The following BDP1 variants were observed in gnomAD, a reference collection of about 807,000 sequenced individuals.
BDP1 encodes the protein transcription factor TFIIIB component B'' homolog.
A neutral mutation model predicts 266.6 loss-of-function variants in BDP1; 169 were observed. That is an observed-to-expected ratio of 0.63 (90% CI 0.56 to 0.72). The LOEUF (loss-of-function observed/expected upper bound fraction) is 0.72, where lower values mean the gene tolerates loss of function less well. BDP1 is among the 30% of genes least tolerant of loss of function. BDP1 has a pLI of 0.00. For missense variants in BDP1, 3,015 were observed against 3,053.8 expected (o/e 0.99, Z 0.30); for synonymous variants, 1,090 against 1,022.4 (o/e 1.07, Z -1.26).
At chr5:71,482,007 T>C (rs1305298524) in intron 7 of BDP1, among the ~76,000 whole-genome samples, 1 of 152,188 alleles carries the variant, frequency 6.6e-6, no homozygotes, top group African/African-American at 2.4e-5. Context: ...GGTGAATGTA[T>C]TTGGGTATTA....
At chr5:71,532,236 A>C (rs950912586) in intron 25 of BDP1, 72 bp from the exon 26 acceptor site, 5 of 1,331,442 alleles carry the variant, frequency 3.8e-6, no homozygotes, top group Middle Eastern at 2.1e-4. Context: ...TTACTTATTC[A>C]TGTTGAAGAT....
intron 7 of BDP1, among the ~76,000 whole-genome samples, chr5:71,481,454 G>A (rs1762965269): frequency 6.7e-6 from 1 of 150,284 alleles, no homozygotes; most frequent in Admixed American, 6.6e-5. Context: ...CAATTCAGGA[G>A]GCTGAGGCAG....
In BDP1 at chr5:71,543,524, G is replaced by A. The variant is rs865928677; in HGVS notation, c.6413-833G>A. On this transcript the variant is annotated intron_variant, in intron 30 of 38. Coordinates refer to ENST00000358731, the MANE Select transcript of BDP1 (RefSeq NM_018429.3). The stretch of plus-strand genomic sequence containing the variant: ...TTGAGCTCGCCAGATCAAGGCTGTC[G>A]TAAATTGTGATATTGCCACTGCACT... 8.5e-5 allele frequency among the ~76,000 whole-genome samples: 13 copies of A among 152,286 alleles called. No individual in the cohort carries two copies. The Middle Eastern group carries it at 0.014, about 159-fold the overall frequency.
Position 71,497,346 on chromosome 5 carries a change from G to A in BDP1, c.1876G>A (p.Ala626Thr). The part of the protein sequence containing the change: ...FQRPKPNLSR[A>T]GKKSVLSQGK... Reference sequence around the variant, plus strand: ...AAGACCTAAACCCAATTTGTCAAGGGCTGGGAAGAAATCAGTTCTTTCACA... The same window carrying A: ...AAGACCTAAACCCAATTTGTCAAGGACTGGGAAGAAATCAGTTCTTTCACA... Residue 626 changes from alanine to threonine, a missense_variant, in exon 13 of 39, where the codon GCT (alanine) becomes ACT (threonine). Physicochemically the swap from Ala to Thr is moderately conservative, Grantham distance 58 (BLOSUM62 0). Transcript: ENST00000358731. 3.1e-6 allele frequency: 5 copies of A among 1,613,802 alleles called. No homozygotes were observed. Among genetic ancestry groups the A allele is most frequent in the South Asian group, 1.1e-5 (1 of 91,078 alleles).
intron 26 of BDP1, among the ~76,000 whole-genome samples, chr5:71,536,785 G>A (rs1052887296): frequency 3.3e-5 from 5 of 152,134 alleles, no homozygotes; most frequent in East Asian, 1.9e-4. Context: ...AGCTGTCATC[G>A]CCGTCACTGC....
intron 8 of BDP1, among the ~76,000 whole-genome samples, chr5:71,484,763 A>T (rs1235744020): frequency 7.2e-5 from 11 of 152,102 alleles, no homozygotes; most frequent in African/African-American, 2.7e-4. Flanking sequence ...GTGGATTTAC[A>T]ATTATCAGTA....
chr5:71,564,677 G>C, intron 38 of BDP1, 77 bp from the exon 39 acceptor site: 1 of 1,266,568 alleles, frequency 7.9e-7, no homozygotes, highest in Non-Finnish European at 1.1e-6. Context: ...GGTTTAGACT[G>C]CTATATATAC....
chr5:71,524,124 C>T lies in BDP1; in HGVS notation c.5573C>T (p.Pro1858Leu). 2 of 1,614,142 alleles carry T rather than the reference C, an allele frequency of 1.2e-6. No individual in the cohort carries two copies. Among genetic ancestry groups the T allele is most frequent in the Non-Finnish European group, 8.5e-7 (1 of 1,180,030 alleles). The stretch of plus-strand genomic sequence containing the variant: ...CGGGGTAAGACCTCTAAGAAGGAAC[C>T]TAGAGCTTCCAAGGCCATGCTGGTG... The part of the protein sequence containing the change: ...RVRGKTSKKE[P>L]RASKAMLVTL... Residue 1858 changes from proline (P) to leucine (L), a missense_variant, in exon 25 of 39, where the codon CCT becomes CTT. By Grantham distance (98) the Pro-to-Leu change is moderately conservative (BLOSUM62 -3). Coordinates refer to ENST00000358731, the MANE Select transcript of BDP1 (RefSeq NM_018429.3).
chr5:71,504,355 A>T (rs1026914738), intron 15 of BDP1, among the ~76,000 whole-genome samples: 1 of 152,072 alleles, frequency 6.6e-6, no homozygotes, highest in Admixed American at 6.5e-5. Context: ...GATAGACCCC[A>T]CAGGGGTATT....
Position 71,555,568 on chromosome 5 carries a change from T to G in BDP1, c.7201-1318T>G, listed in dbSNP as rs1235523394. 4.1e-4 allele frequency among the ~76,000 whole-genome samples: 62 copies of G among 151,924 alleles called. 1 individual carries two copies. The highest frequency in any genetic ancestry group is 8.8e-5 in the Non-Finnish European group (6 of 67,996). On this transcript the variant is annotated intron_variant, in intron 35 of 38. Coordinates refer to ENST00000358731, the MANE Select transcript of BDP1 (RefSeq NM_018429.3). ...GATTCTCCTGCCTCAGCCTCCCGAG[T>G]AGCTGGGATTACAGGCAGCCGCCAC...
intron 21 of BDP1, among the ~76,000 whole-genome samples, chr5:71,516,711 G>A (rs1463004462): frequency 3.3e-5 from 5 of 152,014 alleles, no homozygotes; most frequent in Admixed American, 1.3e-4. Context: ...CATCATTTTT[G>A]CTGTATAACA....
intron 16 of BDP1, among the ~76,000 whole-genome samples, chr5:71,506,995 A>T (rs982679272): frequency 4.6e-5 from 7 of 151,800 alleles, no homozygotes; most frequent in Non-Finnish European, 1.0e-4. Context: ...TAATTTTTAA[A>T]TTTTTTTGTA....
At chr5:71,562,216 AAAAAAAAG>A in intron 37 of BDP1, 50 bp from the exon 38 acceptor site, 1 of 1,292,602 alleles carries the variant, frequency 7.7e-7, no homozygotes, top group Admixed American at 2.9e-5. Flanking sequence ...AAAAAAAAAA[AAAAAAAAG>A]AATGTGTCTT....
At chr5:71,557,861 C>G (rs922693079) in intron 36 of BDP1, among the ~76,000 whole-genome samples, 1 of 152,068 alleles carries the variant, frequency 6.6e-6, no homozygotes, top group African/African-American at 2.4e-5. Flanking sequence ...ATAATAGGTT[C>G]TTTACCCTGA....
chr5:71,483,476 A>G (rs1317853165), intron 7 of BDP1, among the ~76,000 whole-genome samples: 1 of 152,240 alleles, frequency 6.6e-6, no homozygotes, highest in African/African-American at 2.4e-5. Flanking sequence ...GAAATATATT[A>G]GAACAATGAT....
Position 71,455,954 on chromosome 5 carries a change from A to G in BDP1, c.77A>G (p.Asn26Ser), listed in dbSNP as rs3748042. ...GGCGCCAGGGGCTCCACAGCTTCCAATCCCCAGCGTGGACGGGAGTCTCCC... is the reference window on the plus strand; with the variant it reads ...GGCGCCAGGGGCTCCACAGCTTCCAGTCCCCAGCGTGGACGGGAGTCTCCC... ...GVGARGSTAS[N>S]PQRGRESPRP... The change falls in exon 1 of 39, where the codon AAT becomes AGT. Residue 26 changes from asparagine (N) to serine (S), a missense_variant. Asn to Ser is a conservative substitution (Grantham distance 46). This residue lies in a region of BDP1 where 2,383 missense variants were observed against 2,404.9 expected (regional missense o/e 0.99). Coordinates refer to ENST00000358731, the MANE Select transcript of BDP1 (RefSeq NM_018429.3). 589 of 1,613,024 alleles carry G rather than the reference A, an allele frequency of 3.7e-4. 5 individuals are homozygous for G. The East Asian group carries it at 0.011, about 30-fold the overall frequency.
chr5:71,515,012 A>G lies in BDP1; in HGVS notation c.4539A>G (p.Ile1513Met), dbSNP rs376796346. 3.1e-6 allele frequency: 5 copies of G among 1,612,870 alleles called. No individual in the cohort carries two copies. The highest frequency in any genetic ancestry group is 4.2e-6 in the Non-Finnish European group (5 of 1,179,430). The change falls in exon 20 of 39, where the codon ATA (isoleucine) becomes ATG (methionine). Residue 1513 changes from isoleucine (I) to methionine (M), a missense_variant. Physicochemically the swap from Ile to Met is conservative, Grantham distance 10. Coordinates refer to ENST00000358731, the MANE Select transcript of BDP1 (RefSeq NM_018429.3). ...TLGHRNEEAV[I>M]LPCTQTERNL... ...GTCACAGGAATGAGGAGGCTGTGAT[A>G]TTGCCATGTACACAGACTGAAAGGA...
chr5:71,568,242 T>G (rs1168960204), downstream of BDP1, among the ~76,000 whole-genome samples: 4 of 152,156 alleles, frequency 2.6e-5, no homozygotes, highest in African/African-American at 9.7e-5. Context: ...TGGAAGAGAC[T>G]CCACACAGCA....
At chr5:71,547,866 C>CG (rs766806274) in intron 32 of BDP1, among the ~76,000 whole-genome samples, 1 of 151,834 alleles carries the variant, frequency 6.6e-6, no homozygotes, top group Non-Finnish European at 1.5e-5. Context: ...GAGAATTGCT[C>CG]GGACCCAGGA....
Sources: allele counts gnomAD v4.1 joint callset (sites outside exome capture counted in the v4.1 genomes callset), GRCh38; gene constraint gnomAD v4.1.1; regional missense constraint gnomAD v4.1.1; transcripts MANE v1.5; gene names NCBI Gene and HGNC (gene_info 2026-07-23, HGNC 2026-07-21).